Variants in RAD51B observed in about 807,000 individuals in gnomAD.
RAD51B encodes RAD51 paralog B.
In RAD51B, 38 loss-of-function variants were observed where a neutral mutation model predicts 42.2. The ratio of observed to expected loss-of-function variants is 0.90; its 90% confidence interval spans 0.70 to 1.18. The LOEUF is 1.18. Among genes scored for constraint, RAD51B ranks in the 50% most tolerant of loss-of-function variants. The pLI, the probability that RAD51B is intolerant of heterozygous loss-of-function variation, is 0.00. For synonymous variants in RAD51B, 154 were observed against 145.2 expected (o/e 1.06, Z -0.43); for missense variants, 373 against 400.7 (o/e 0.93, Z 0.59).
At position 68,043,210 on chromosome 14, in the gene RAD51B, A is replaced by G. The variant is rs184576007; in HGVS notation, c.756+156006A>G. Among the ~76,000 whole-genome samples the G allele has an allele frequency of 2.0e-5, 3 of 152,352 alleles. No individual in the cohort carries two copies. The East Asian group carries it at 5.8e-4, about 29-fold the overall frequency. ...AGGACTTAGACTGTGAAGCCTAAAT[A>G]GAAGGCATTCAGAAACCTGAAGACA... On this transcript the variant is annotated intron_variant, in intron 7 of 10. Coordinates refer to ENST00000471583, the MANE Select transcript of RAD51B (RefSeq NM_133510.4).
chr14:68,575,610 C>G (rs896196113), intron 10 of RAD51B, among the ~76,000 whole-genome samples: 4 of 152,166 alleles, frequency 2.6e-5, no homozygotes, highest in Non-Finnish European at 4.4e-5. Flanking sequence ...CGCCACACAC[C>G]CATGGTGAAT....
intron 8 of RAD51B, among the ~76,000 whole-genome samples, chr14:68,367,723 G>T (rs2083172128): frequency 6.6e-6 from 1 of 152,196 alleles, no homozygotes; most frequent in Admixed American, 6.5e-5. Context: ...TGATTAATCG[G>T]CCCAGATAAA....
At position 68,477,727 on chromosome 14, in the gene RAD51B, A is replaced by T; in HGVS notation, c.*63A>T. On this transcript the variant is annotated 3_prime_UTR_variant, in exon 11 of 11. Coordinates refer to ENST00000471583, the MANE Select transcript of RAD51B (RefSeq NM_133510.4). ...GATTTGTGAAATAAAACAGGACCGTACTGCTTGGAAGAAGGAAACGGAAGC... is the reference window on the plus strand; with the variant it reads ...GATTTGTGAAATAAAACAGGACCGTTCTGCTTGGAAGAAGGAAACGGAAGC... 6.3e-7 allele frequency: 1 copy of T among 1,588,372 alleles called. No individual in the cohort carries two copies. Among genetic ancestry groups the T allele is most frequent in the Admixed American group, 1.9e-5 (1 of 52,256 alleles).
chr14:68,377,224 T>G (rs1385744902), intron 8 of RAD51B, among the ~76,000 whole-genome samples: 1 of 152,216 alleles, frequency 6.6e-6, no homozygotes, highest in Non-Finnish European at 1.5e-5. Flanking sequence ...ATTCCCAACA[T>G]GTACAGGGTG....
intron 10 of RAD51B, among the ~76,000 whole-genome samples, chr14:68,517,424 ATAGTCTAGCACCAGCAATTT>A (rs575252610): frequency 6.6e-6 from 1 of 152,366 alleles, no homozygotes; most frequent in East Asian, 1.9e-4. Context: ...GACTGCCAGC[ATAGTCTAGCACCAGCAATTT>A]TACCCAGATG....
At chr14:67,869,586 C>T (rs963606607) in intron 5 of RAD51B, among the ~76,000 whole-genome samples, 6 of 151,938 alleles carry the variant, frequency 3.9e-5, no homozygotes, top group Admixed American at 6.6e-5. Context: ...ATACAGAGAA[C>T]GCCACAAAGA....
chr14:67,972,913 C>A (rs1032047741), intron 7 of RAD51B, among the ~76,000 whole-genome samples: 1 of 152,106 alleles, frequency 6.6e-6, no homozygotes, highest in Non-Finnish European at 1.5e-5. Context: ...AAGCTGAACT[C>A]TTTTCCTAAA....
At chr14:67,927,735 T>C (rs1045523750) in intron 7 of RAD51B, among the ~76,000 whole-genome samples, 4 of 148,682 alleles carry the variant, frequency 2.7e-5, no homozygotes, top group African/African-American at 1.0e-4. Context: ...GTGTGTATTA[T>C]ATAATATATT....
chr14:68,044,977 C>T (rs1202005407), intron 7 of RAD51B, among the ~76,000 whole-genome samples: 1 of 151,956 alleles, frequency 6.6e-6, no homozygotes, highest in Admixed American at 6.6e-5. Flanking sequence ...TGGTGGCTCA[C>T]GCCTGTAATC....
chr14:68,088,018 T>TATTATATATAATTATATAATATATA (rs2077027188), intron 7 of RAD51B, among the ~76,000 whole-genome samples: 4 of 133,596 alleles, frequency 3.0e-5, no homozygotes, highest in South Asian at 4.3e-4. Flanking sequence ...TATAATATAT[T>TATTATATATAATTATATAATATATA]ATTATATATA....
At chr14:68,088,571 C>G (rs1207137671) in intron 7 of RAD51B, among the ~76,000 whole-genome samples, 4 of 149,300 alleles carry the variant, frequency 2.7e-5, no homozygotes, top group Non-Finnish European at 4.4e-5. Context: ...TTTCTGTGTA[C>G]TAGCAGTGTT....
chr14:68,498,936 T>C (rs1291287268), intron 10 of RAD51B, among the ~76,000 whole-genome samples: 1 of 152,194 alleles, frequency 6.6e-6, no homozygotes, highest in African/African-American at 2.4e-5. Flanking sequence ...CTATGACACA[T>C]GGATCTCTAT....
Position 68,049,129 on chromosome 14 carries a change from G to C in RAD51B, c.756+161925G>C, listed in dbSNP as rs2076350731. Among the ~76,000 whole-genome samples the C allele has an allele frequency of 1.3e-5, 2 of 151,644 alleles. 1 individual carries two copies. Among genetic ancestry groups the C allele is most frequent in the South Asian group, 4.2e-4 (2 of 4,804 alleles). On this transcript the variant is annotated intron_variant, in intron 7 of 10. Coordinates refer to ENST00000471583, the MANE Select transcript of RAD51B (RefSeq NM_133510.4). ...AAGGACAAAAAACCAAACACTGCAT[G>C]TTCTCACTCACAGGTGGGAATTGAA...
At chr14:68,336,686 A>G (rs533813390) in intron 8 of RAD51B, among the ~76,000 whole-genome samples, 35 of 152,368 alleles carry the variant, frequency 2.3e-4, no homozygotes, top group Middle Eastern at 6.8e-3. Context: ...CAATGCATCT[A>G]TTAAACAGTG....
intron 7 of RAD51B, among the ~76,000 whole-genome samples, chr14:67,958,717 T>C (rs2074600291): frequency 6.6e-6 from 1 of 152,238 alleles, no homozygotes; most frequent in Non-Finnish European, 1.5e-5. Context: ...CTCAGTGCTT[T>C]TTAAGGATGC....
At chr14:68,248,454 A>G (rs1751380) in intron 7 of RAD51B, among the ~76,000 whole-genome samples, 152,158 of 152,278 alleles carry the variant, frequency 1, 76,019 homozygotes, top group Non-Finnish European at 1. Flanking sequence ...ACTGTATGTG[A>G]AGGATCTTCA....
intron 10 of RAD51B, among the ~76,000 whole-genome samples, chr14:68,536,407 A>AT (rs1566929931): frequency 6.6e-6 from 1 of 152,192 alleles, no homozygotes; most frequent in African/African-American, 2.4e-5. Context: ...AGCAGATTGA[A>AT]TTTTTTTAGA....
intron 8 of RAD51B, among the ~76,000 whole-genome samples, chr14:68,316,812 A>G (rs1461369598): frequency 6.6e-6 from 1 of 152,154 alleles, no homozygotes; most frequent in Non-Finnish European, 1.5e-5. Context: ...AGTCGAAGTT[A>G]ATTTTCTTTA....
chr14:68,239,508 CTT>C (rs113123376), intron 7 of RAD51B, among the ~76,000 whole-genome samples: 1 of 146,346 alleles, frequency 6.8e-6, no homozygotes, highest in African/African-American at 2.5e-5. Flanking sequence ...TCTCCACAGT[CTT>C]TTTTTTTTTT....
Sources: allele counts gnomAD v4.1 joint callset (sites outside exome capture counted in the v4.1 genomes callset), GRCh38; gene constraint gnomAD v4.1.1; transcripts MANE v1.5; gene names NCBI Gene and HGNC (gene_info 2026-07-23, HGNC 2026-07-21).